Variants in SLC9A9 observed in about 807,000 individuals in gnomAD.
SLC9A9 encodes the protein sodium/hydrogen exchanger 9.
In SLC9A9, 62 loss-of-function variants were observed where a neutral mutation model predicts 77.8. The observed-to-expected ratio is 0.80, with a 90% confidence interval of 0.65 to 0.98. The LOEUF (loss-of-function observed/expected upper bound fraction) is 0.98. Ranked by LOEUF, SLC9A9 falls within the 50% of genes least tolerant of loss-of-function variation. The pLI, the probability that SLC9A9 is intolerant of heterozygous loss-of-function variation, is 0.00. For missense variants in SLC9A9, 775 were observed against 774.9 expected (o/e 1.00, Z 0.00); for synonymous variants, 320 against 283.5 (o/e 1.13, Z -1.29).
At chr3:143,779,788 A>T (rs151330528) in intron 4 of SLC9A9, among the ~76,000 whole-genome samples, 242 of 152,350 alleles carry the variant, frequency 1.6e-3, no homozygotes, top group African/African-American at 5.6e-3. Flanking sequence ...AGGGCAAAGA[A>T]CTATGAAACT....
chr3:143,598,151 A>G (rs1020837068), intron 6 of SLC9A9, among the ~76,000 whole-genome samples: 2 of 152,218 alleles, frequency 1.3e-5, no homozygotes, highest in Admixed American at 6.5e-5. Context: ...AATCCAGTAT[A>G]AGGGACACAT....
chr3:143,266,224 C>G lies in SLC9A9; in HGVS notation c.*478G>C. 1 of 638,526 alleles carries G rather than the reference C, an allele frequency of 1.6e-6. No individual in the cohort carries two copies. Among genetic ancestry groups the G allele is most frequent in the Non-Finnish European group, 2.8e-6 (1 of 356,284 alleles). 39.6% of individuals were successfully genotyped at this position (638,526 alleles called of 1,614,324 possible). A position where few individuals can be genotyped will look rare whatever the true frequency, so the allele number is the denominator to read the frequency against. On this transcript the variant is annotated 3_prime_UTR_variant, in exon 16 of 16. Coordinates refer to ENST00000316549, the MANE Select transcript of SLC9A9 (RefSeq NM_173653.4). ...TGAGAGCAAATGGGAGTCAAGTCCT[C>G]AAAATAAGAAACTTATCACTTACTA...
At chr3:143,505,818 A>G (rs2036005359) in intron 9 of SLC9A9, among the ~76,000 whole-genome samples, 1 of 152,210 alleles carries the variant, frequency 6.6e-6, no homozygotes, top group Admixed American at 6.5e-5. Flanking sequence ...AGCTTCATTA[A>G]ACTGAATAAA....
chr3:143,744,666 G>T (rs753630918), intron 4 of SLC9A9, among the ~76,000 whole-genome samples: 28 of 152,024 alleles, frequency 1.8e-4, no homozygotes, highest in Admixed American at 3.3e-4. Flanking sequence ...GTTTTAACAG[G>T]CTTCAAAAAT....
At chr3:143,363,391 T>G in intron 14 of SLC9A9, 93 bp downstream of exon 14, 1 of 1,136,080 alleles carries the variant, frequency 8.8e-7, no homozygotes, top group Non-Finnish European at 1.3e-6. Flanking sequence ...TGGTGTTTCT[T>G]GAAGAGCAGG....
intron 14 of SLC9A9, among the ~76,000 whole-genome samples, chr3:143,360,303 A>G (rs796187399): frequency 7.9e-5 from 12 of 152,370 alleles, no homozygotes; most frequent in African/African-American, 2.9e-4. Context: ...GCTCAGTAAC[A>G]TTAGTTCCAT....
At chr3:143,294,169 A>T (rs1006415579) in intron 14 of SLC9A9, among the ~76,000 whole-genome samples, 9 of 152,218 alleles carry the variant, frequency 5.9e-5, no homozygotes, top group Non-Finnish European at 1.3e-4. Context: ...TTCTGGCCAA[A>T]TACAGTATTG....
rs531821088 is a variant in SLC9A9 at position 143,777,737 on chromosome 3, C to T, written c.533+17264G>A. On this transcript the variant is annotated intron_variant, in intron 4 of 15. Transcript: ENST00000316549. ...GATACTTTTTTTTTTTTTTTTGAGG[C>T]AGAGTCTCGCTCTGTCACCCAGGCT... 7.2e-4 allele frequency among the ~76,000 whole-genome samples: 98 copies of T among 135,402 alleles called. 4 individuals are homozygous for T. The East Asian group carries it at 0.019, about 27-fold the overall frequency. 88.8% of individuals were successfully genotyped at this position (135,402 alleles called of 152,430 possible).
rs114474397 is a variant in SLC9A9 at position 143,328,683 on chromosome 3, T to C, written c.1604+34801A>G. Among the ~76,000 whole-genome samples the C allele has an allele frequency of 9.3e-3, 1,413 of 152,290 alleles. 20 individuals carry two copies. Among genetic ancestry groups the C allele is most frequent in the African/African-American group, 0.032 (1,331 of 41,556 alleles). ...TAATTTGCTTGAACTTTTCCAGCCT[T>C]CACATGTTGTACACAGGCCTCTCCT... On this transcript the variant is annotated intron_variant, in intron 14 of 15. Transcript: ENST00000316549.
At chr3:143,654,791 G>GT (rs2038860735) in intron 5 of SLC9A9, among the ~76,000 whole-genome samples, 1 of 152,162 alleles carries the variant, frequency 6.6e-6, no homozygotes, top group Non-Finnish European at 1.5e-5. Flanking sequence ...GAAAAGGAAG[G>GT]TAAGGCCCTT....
chr3:143,503,696 T>C (rs2035962576), intron 9 of SLC9A9: 1 of 386,102 alleles, frequency 2.6e-6, no homozygotes, highest in African/African-American at 2.1e-5. Flanking sequence ...CACCATGGTC[T>C]CCCGGAGCGG....
chr3:143,268,658 G>A (rs1037712281), intron 15 of SLC9A9, among the ~76,000 whole-genome samples: 3 of 151,000 alleles, frequency 2.0e-5, no homozygotes, highest in Non-Finnish European at 2.9e-5. Context: ...GCATGAACCC[G>A]GGAGGCGGAG....
chr3:143,639,505 T>C (rs1449453144), intron 6 of SLC9A9, among the ~76,000 whole-genome samples: 1 of 152,166 alleles, frequency 6.6e-6, no homozygotes, highest in Non-Finnish European at 1.5e-5. Context: ...AAAAGTATAC[T>C]GTATCAATTA....
At chr3:143,493,276 C>T (rs1410043498) in intron 11 of SLC9A9, among the ~76,000 whole-genome samples, 1 of 152,140 alleles carries the variant, frequency 6.6e-6, no homozygotes, top group Non-Finnish European at 1.5e-5. Flanking sequence ...GGATAAGGGG[C>T]ATTGGATAAG....
chr3:143,414,965 C>A (rs1468159515), intron 12 of SLC9A9, among the ~76,000 whole-genome samples: 1 of 152,198 alleles, frequency 6.6e-6, no homozygotes, highest in Non-Finnish European at 1.5e-5. Context: ...CCTGGGAACA[C>A]ACCGATGGCA....
chr3:143,779,977 G>A (rs1243122008), intron 4 of SLC9A9, among the ~76,000 whole-genome samples: 2 of 152,162 alleles, frequency 1.3e-5, no homozygotes, highest in African/African-American at 4.8e-5. Flanking sequence ...CTACACTCTC[G>A]ATTTCTCTGT....
chr3:143,334,001 G>A (rs997166812), intron 14 of SLC9A9, among the ~76,000 whole-genome samples: 1 of 152,110 alleles, frequency 6.6e-6, no homozygotes, highest in South Asian at 2.1e-4. Flanking sequence ...GAATAGTTTT[G>A]CTTTTATTAA....
intron 6 of SLC9A9, among the ~76,000 whole-genome samples, chr3:143,651,456 C>T (rs560500787): frequency 6.6e-6 from 1 of 152,352 alleles, no homozygotes; most frequent in African/African-American, 2.4e-5. Flanking sequence ...TGTTACTTCA[C>T]AATACATTTT....
intron 14 of SLC9A9, among the ~76,000 whole-genome samples, chr3:143,285,357 T>C (rs1405647464): frequency 6.6e-6 from 1 of 152,190 alleles, no homozygotes; most frequent in Admixed American, 6.5e-5. Flanking sequence ...CTAAGTACTT[T>C]ACATGAAAAA....
Sources: gnomAD v4.1 joint callset for allele counts (sites outside exome capture counted in the v4.1 genomes callset) on GRCh38, gnomAD v4.1.1 for gene constraint, MANE v1.5 for transcripts, NCBI Gene and HGNC (gene_info 2026-07-23, HGNC 2026-07-21) for gene names.